TMEM135: variants seen among roughly 807,000 people sequenced by gnomAD.
TMEM135 encodes transmembrane protein 135.
A neutral mutation model predicts 60.3 loss-of-function variants in TMEM135; 30 were observed. The observed-to-expected ratio is 0.50, with a 90% CI of 0.37 to 0.68. TMEM135 has a LOEUF of 0.68. TMEM135 is among the 30% of genes least tolerant of loss of function. The probability of loss-of-function intolerance (pLI) is 0.00; values close to 1 mark genes in which losing one functional copy is unlikely to be tolerated. For synonymous variants in TMEM135, 190 were observed against 186.7 expected (o/e 1.02, Z -0.14); for missense variants, 468 against 548.8 (o/e 0.85, Z 1.47).
chr11:87,171,759 C>T (rs367588032), intron 5 of TMEM135, among the ~76,000 whole-genome samples: 54 of 152,232 alleles, frequency 3.5e-4, no homozygotes, highest in Middle Eastern at 3.4e-3. Flanking sequence ...CACGAGGGAC[C>T]GGCTTCGTCG....
intron 5 of TMEM135, among the ~76,000 whole-genome samples, chr11:87,211,165 A>G (rs1940360389): frequency 6.6e-6 from 1 of 152,200 alleles, no homozygotes; most frequent in Admixed American, 6.5e-5. Context: ...CTCTGAGAGC[A>G]GGTCATACAC....
intron 7 of TMEM135, among the ~76,000 whole-genome samples, chr11:87,299,294 C>T (rs1426572561): frequency 2.0e-5 from 3 of 152,118 alleles, no homozygotes; most frequent in Admixed American, 6.5e-5. Flanking sequence ...TGGCAGAAGG[C>T]CAAGAGGAAG....
chr11:87,143,623 AC>A (rs1443074279), intron 4 of TMEM135, among the ~76,000 whole-genome samples: 3 of 151,610 alleles, frequency 2.0e-5, no homozygotes, highest in Non-Finnish European at 4.4e-5. Flanking sequence ...TAGGTGTAGA[AC>A]CCTTTCTAGT....
chr11:87,233,931 A>G (rs1297970682), intron 5 of TMEM135, among the ~76,000 whole-genome samples: 1 of 152,128 alleles, frequency 6.6e-6, no homozygotes, highest in East Asian at 1.9e-4. Context: ...TTAACTGTGG[A>G]TTTAGATTTA....
chr11:87,227,570 AC>A (rs1190765103), intron 5 of TMEM135, among the ~76,000 whole-genome samples: 1 of 152,144 alleles, frequency 6.6e-6, no homozygotes, highest in African/African-American at 2.4e-5. Context: ...AAAAAAATGG[AC>A]TGTATATTAT....
intron 4 of TMEM135, among the ~76,000 whole-genome samples, chr11:87,152,271 A>G (rs1048856289): frequency 6.6e-6 from 1 of 151,858 alleles, no homozygotes; most frequent in Non-Finnish European, 1.5e-5. Flanking sequence ...TTTGTGGTTT[A>G]TACTCTTTTA....
intron 1 of TMEM135, among the ~76,000 whole-genome samples, chr11:87,046,451 C>T (rs1029496934): frequency 9.9e-5 from 15 of 152,240 alleles, no homozygotes; most frequent in South Asian, 4.1e-4. Flanking sequence ...GATGTAAGTT[C>T]GAAGGATCAA....
At chr11:87,277,643 T>A (rs1941992168) in intron 6 of TMEM135, among the ~76,000 whole-genome samples, 1 of 151,750 alleles carries the variant, frequency 6.6e-6, no homozygotes, top group African/African-American at 2.4e-5. Context: ...TGCCTCAGCC[T>A]CCCTAGTAAT....
rs576363331 is a variant in TMEM135 at position 87,299,758 on chromosome 11, C to G, written c.552-2538C>G. On this transcript the variant is annotated intron_variant, in intron 7 of 14. Transcript: ENST00000305494. ...TGCAAAAGAGAAGTGTAGGTTATCT[C>G]AGGAATATATTTTAGGCAAACCTTA... is the stretch of plus-strand genomic sequence containing the variant. Among the ~76,000 whole-genome samples, 8 of 152,276 alleles carry G rather than the reference C, an allele frequency of 5.3e-5. No individual in the cohort carries two copies. In the South Asian group the frequency reaches 1.7e-3, roughly 32 times the overall value.
intron 5 of TMEM135, among the ~76,000 whole-genome samples, chr11:87,223,289 C>T (rs1211152473): frequency 6.6e-6 from 1 of 151,820 alleles, no homozygotes; most frequent in African/African-American, 2.4e-5. Flanking sequence ...CTCAGCCTCC[C>T]GAGTAGCTGT....
At chr11:87,227,624 G>A (rs516670) in intron 5 of TMEM135, among the ~76,000 whole-genome samples, 19,637 of 152,036 alleles carry the variant, frequency 0.13, 1,319 homozygotes, top group Non-Finnish European at 0.14. Context: ...TTTGTTATAT[G>A]ACAATACATA....
At chr11:87,208,287 C>T (rs1256963203) in intron 5 of TMEM135, among the ~76,000 whole-genome samples, 1 of 152,144 alleles carries the variant, frequency 6.6e-6, no homozygotes, top group Non-Finnish European at 1.5e-5. Flanking sequence ...CATCAGGTTA[C>T]AAGAGTTGAT....
intron 3 of TMEM135, among the ~76,000 whole-genome samples, chr11:87,079,843 C>CTTTTTTTTTTTTTTTTTT (rs139184730): frequency 2.8e-5 from 3 of 107,940 alleles, no homozygotes; most frequent in Non-Finnish European, 3.6e-5. Flanking sequence ...CTTTTCTTTT[C>CTTTTTTTTTTTTTTTTTT]TTTTTTTTTT....
At position 87,323,960 on chromosome 11, in the gene TMEM135, CGTT is replaced by C; in HGVS notation, c.*2631_*2633del. On this transcript the variant is annotated 3_prime_UTR_variant, in exon 15 of 15. Transcript: ENST00000305494. Reference sequence around the variant, plus strand: ...ATCTAGTTTATTTTTTGCCTTCATTCGTTGTTTAGTCAGTTGTTATTTAATTTA... The same window carrying C: ...ATCTAGTTTATTTTTTGCCTTCATTCGTTTAGTCAGTTGTTATTTAATTTA... 2.2e-6 allele frequency: 1 copy of C among 453,528 alleles called. No individual in the cohort carries two copies. Among genetic ancestry groups the C allele is most frequent in the African/African-American group, 2.0e-5 (1 of 50,026 alleles). The allele number at this position is 453,528 out of a possible 1,614,324, so 28.1% of individuals were successfully genotyped here.
rs187701637 is a variant in TMEM135 at position 87,209,551 on chromosome 11, G to C, written c.463-27087G>C. ...TTGGAGTACCCAGATTCATAAAACAGGTTCTTATAGATCTACAAAGAGATT... is the reference window on the plus strand; with the variant it reads ...TTGGAGTACCCAGATTCATAAAACACGTTCTTATAGATCTACAAAGAGATT... On this transcript the variant is annotated intron_variant, in intron 5 of 14. Coordinates refer to ENST00000305494, the MANE Select transcript of TMEM135 (RefSeq NM_022918.4). Among the ~76,000 whole-genome samples, 11 of 152,150 alleles carry C rather than the reference G, an allele frequency of 7.2e-5. No individual in the cohort carries two copies. The East Asian group carries it at 1.7e-3, about 24-fold the overall frequency.
At chr11:87,084,032 A>G (rs769358448) in intron 3 of TMEM135, among the ~76,000 whole-genome samples, 1 of 152,088 alleles carries the variant, frequency 6.6e-6, no homozygotes, top group Non-Finnish European at 1.5e-5. Flanking sequence ...TTCCTACTGT[A>G]TTCCCCAGCG....
chr11:87,155,494 G>A (rs911455922), intron 4 of TMEM135, among the ~76,000 whole-genome samples: 1 of 152,138 alleles, frequency 6.6e-6, no homozygotes, highest in Non-Finnish European at 1.5e-5. Flanking sequence ...TCTTTTATAT[G>A]TGGATGTAAC....
chr11:87,115,520 C>A (rs1857858443), intron 4 of TMEM135, among the ~76,000 whole-genome samples: 1 of 152,120 alleles, frequency 6.6e-6, no homozygotes, highest in South Asian at 2.1e-4. Context: ...ACTTCTGCAA[C>A]TGAACTATAT....
At chr11:87,073,176 AG>A (rs1401223299) in intron 3 of TMEM135, among the ~76,000 whole-genome samples, 2 of 152,186 alleles carry the variant, frequency 1.3e-5, no homozygotes, top group African/African-American at 4.8e-5. Flanking sequence ...CTGGGACTAC[AG>A]GCACGTGCCA....
Sources: allele counts gnomAD v4.1 joint callset (sites outside exome capture counted in the v4.1 genomes callset), GRCh38; gene constraint gnomAD v4.1.1; transcripts MANE v1.5; gene names NCBI Gene and HGNC (gene_info 2026-07-23, HGNC 2026-07-21).